Variants in HS6ST3 observed in about 807,000 individuals in gnomAD.
HS6ST3 encodes heparan sulfate 6-O-sulfotransferase 3.
In HS6ST3, 12 loss-of-function variants were observed where a neutral mutation model predicts 36.7. The ratio of observed to expected loss-of-function variants is 0.33; its 90% CI spans 0.21 to 0.53. The LOEUF is 0.53. Ranked by LOEUF, HS6ST3 falls within the 20% of genes least tolerant of loss-of-function variation. HS6ST3 has a pLI of 0.95. For synonymous variants in HS6ST3, 240 were observed against 257.5 expected, an observed-to-expected ratio of 0.93 and a Z score of 0.65; for missense variants, 584 against 640.9, an observed-to-expected ratio of 0.91 and a Z score of 0.96.
At chr13:96,382,961 G>C (rs779970471) in intron 1 of HS6ST3, among the ~76,000 whole-genome samples, 1 of 152,122 alleles carries the variant, frequency 6.6e-6, no homozygotes, top group East Asian at 1.9e-4. Context: ...TTTTCATTGT[G>C]TGTTTGTGTG....
chr13:96,658,255 T>C (rs2056632613), intron 1 of HS6ST3, among the ~76,000 whole-genome samples: 1 of 146,786 alleles, frequency 6.8e-6, no homozygotes, highest in Admixed American at 7.0e-5. Flanking sequence ...CTTCTTCTTC[T>C]TCTCTTCTTC....
intron 1 of HS6ST3, among the ~76,000 whole-genome samples, chr13:96,551,354 T>C (rs148439751): frequency 1.3e-5 from 2 of 152,206 alleles, no homozygotes; most frequent in African/African-American, 4.8e-5. Context: ...TTCTGAGCAT[T>C]GAGATAGGTG....
intron 1 of HS6ST3, among the ~76,000 whole-genome samples, chr13:96,806,531 G>C (rs1878200786): frequency 6.6e-6 from 1 of 152,186 alleles, no homozygotes. Flanking sequence ...TGTCATTTAA[G>C]TACAAATTAG....
At chr13:96,777,965 C>T (rs893802803) in intron 1 of HS6ST3, among the ~76,000 whole-genome samples, 2 of 152,146 alleles carry the variant, frequency 1.3e-5, no homozygotes, top group Middle Eastern at 3.4e-3. Context: ...GGTACTGATA[C>T]CAAAACAGAT....
At chr13:96,483,455 G>A (rs767018845) in intron 1 of HS6ST3, among the ~76,000 whole-genome samples, 6 of 152,146 alleles carry the variant, frequency 3.9e-5, no homozygotes, top group Admixed American at 6.5e-5. Context: ...GGGCACCAAG[G>A]CCATATAGAC....
intron 1 of HS6ST3, among the ~76,000 whole-genome samples, chr13:96,483,668 CT>C (rs1439602771): frequency 6.6e-6 from 1 of 152,146 alleles, no homozygotes; most frequent in African/African-American, 2.4e-5. Flanking sequence ...TACTGGGCAT[CT>C]TTGTGAGTTA....
chr13:96,386,224 G>A (rs2055367257), intron 1 of HS6ST3, among the ~76,000 whole-genome samples: 4 of 152,208 alleles, frequency 2.6e-5, no homozygotes, highest in Admixed American at 2.6e-4. Flanking sequence ...GACGTGGCAG[G>A]AAGTCAGACA....
intron 1 of HS6ST3, among the ~76,000 whole-genome samples, chr13:96,814,393 AT>A (rs1878378354): frequency 6.6e-6 from 1 of 152,146 alleles, no homozygotes; most frequent in African/African-American, 2.4e-5. Context: ...TGATGAGAAA[AT>A]CGTGGCGAGT....
intron 1 of HS6ST3, among the ~76,000 whole-genome samples, chr13:96,788,479 A>T (rs1435708211): frequency 3.3e-5 from 5 of 151,794 alleles, no homozygotes; most frequent in African/African-American, 1.2e-4. Flanking sequence ...TAATTCTTTG[A>T]TTGCTTTCAT....
chr13:96,693,598 C>T (rs1485277054), intron 1 of HS6ST3, among the ~76,000 whole-genome samples: 1 of 152,124 alleles, frequency 6.6e-6, no homozygotes, highest in Non-Finnish European at 1.5e-5. Flanking sequence ...CCACCATGAC[C>T]AGCCGGCCAG....
intron 1 of HS6ST3, among the ~76,000 whole-genome samples, chr13:96,242,235 T>C (rs971995787): frequency 6.6e-6 from 1 of 151,988 alleles, no homozygotes; most frequent in Non-Finnish European, 1.5e-5. Flanking sequence ...TTTTTTTCTT[T>C]TTTTGAGATA....
At chr13:96,824,595 A>G (rs1878610963) in intron 1 of HS6ST3, among the ~76,000 whole-genome samples, 1 of 152,214 alleles carries the variant, frequency 6.6e-6, no homozygotes, top group Admixed American at 6.5e-5. Flanking sequence ...ATGAAGAATG[A>G]GTAGCTCATG....
chr13:96,547,894 T>G (rs1020544493), intron 1 of HS6ST3, among the ~76,000 whole-genome samples: 1 of 151,946 alleles, frequency 6.6e-6, no homozygotes, highest in Non-Finnish European at 1.5e-5. Flanking sequence ...TTTTTAATCT[T>G]AGAGATTTGC....
intron 1 of HS6ST3, among the ~76,000 whole-genome samples, chr13:96,441,295 T>G: frequency 6.6e-6 from 1 of 152,132 alleles, no homozygotes; most frequent in African/African-American, 2.4e-5. Flanking sequence ...ATACTTTTTT[T>G]TTTTTGATGA....
intron 1 of HS6ST3, among the ~76,000 whole-genome samples, chr13:96,653,208 T>C (rs1594827979): frequency 6.6e-6 from 1 of 151,940 alleles, no homozygotes; most frequent in South Asian, 2.1e-4. Flanking sequence ...ATTCTTTTTA[T>C]ATATTTTTTT....
At chr13:96,588,217 CT>C (rs989170690) in intron 1 of HS6ST3, among the ~76,000 whole-genome samples, 7 of 147,960 alleles carry the variant, frequency 4.7e-5, no homozygotes, top group Non-Finnish European at 7.5e-5. Context: ...CTTTAGACAC[CT>C]TTTTTTTTCT....
At chr13:96,565,760 C>T (rs1242862461) in intron 1 of HS6ST3, among the ~76,000 whole-genome samples, 1 of 152,120 alleles carries the variant, frequency 6.6e-6, no homozygotes, top group Non-Finnish European at 1.5e-5. Flanking sequence ...CTGATCACTT[C>T]AAGCTCAGCA....
intron 1 of HS6ST3, among the ~76,000 whole-genome samples, chr13:96,636,258 A>G (rs2056549503): frequency 6.6e-6 from 1 of 152,214 alleles, no homozygotes; most frequent in African/African-American, 2.4e-5. Flanking sequence ...AAGCACTGCC[A>G]TCTGATAATA....
At chr13:96,769,929 G>A (rs1877221199) in intron 1 of HS6ST3, among the ~76,000 whole-genome samples, 2 of 152,150 alleles carry the variant, frequency 1.3e-5, no homozygotes, top group Admixed American at 1.3e-4. Context: ...TATTCAGAAT[G>A]AATTGCTCCT....
Sources: gnomAD v4.1 joint callset for allele counts (sites outside exome capture counted in the v4.1 genomes callset) on GRCh38, gnomAD v4.1.1 for gene constraint, MANE v1.5 for transcripts, NCBI Gene and HGNC (gene_info 2026-07-23, HGNC 2026-07-21) for gene names.